The following LRRFIP2 variants were observed in gnomAD, a reference collection of about 807,000 sequenced individuals.
LRRFIP2 encodes the protein LRR binding FLII interacting protein 2.
Under a neutral mutation model 125.9 loss-of-function variants are expected in LRRFIP2, and 109 were observed. The ratio of observed to expected loss-of-function variants is 0.87; its 90% CI spans 0.74 to 1.01. LRRFIP2 has a LOEUF of 1.01. LRRFIP2 is among the 50% of genes least tolerant of loss of function. LRRFIP2 has a pLI of 0.00. For missense variants in LRRFIP2, 850 were observed against 862.3 expected, an observed-to-expected ratio of 0.99 and a Z score of 0.18; for synonymous variants, 291 against 293.1, an observed-to-expected ratio of 0.99 and a Z score of 0.07.
chr3:37,134,442 A>C (rs977784800), intron 2 of LRRFIP2, among the ~76,000 whole-genome samples: 7 of 152,174 alleles, frequency 4.6e-5, no homozygotes, highest in Non-Finnish European at 1.5e-5. Flanking sequence ...TCGGAAGAGC[A>C]CAAAAAACTG....
intron 6 of LRRFIP2, among the ~76,000 whole-genome samples, chr3:37,118,474 T>C (rs1262823108): frequency 2.0e-5 from 3 of 152,242 alleles, no homozygotes; most frequent in Non-Finnish European, 4.4e-5. Context: ...AATAATCCAA[T>C]CATTATACAA....
chr3:37,068,067 T>C (rs2090480639), intron 21 of LRRFIP2: 1 of 152,266 alleles, frequency 6.6e-6, no homozygotes, highest in African/African-American at 2.4e-5. Context: ...CAAGTCTGCC[T>C]GTGAATTAAC....
chr3:37,121,907 C>A (rs932765817), intron 4 of LRRFIP2, among the ~76,000 whole-genome samples: 1 of 147,234 alleles, frequency 6.8e-6, no homozygotes, highest in African/African-American at 2.5e-5. Context: ...TATAGCAGTA[C>A]TAGTTTTCTT....
intron 1 of LRRFIP2, chr3:37,171,007 G>A (rs1338425259): frequency 4.6e-5 from 7 of 152,254 alleles, no homozygotes; most frequent in Non-Finnish European, 8.8e-5. Context: ...CCAGGAAGTC[G>A]AGGCTGCAGT....
At chr3:37,176,274 G>C (rs1010033062), upstream of LRRFIP2, 1 of 152,276 alleles carries the variant, frequency 6.6e-6, no homozygotes, top group Non-Finnish European at 1.5e-5. Context: ...CCGCGGCTGA[G>C]ACAGCGGGAA....
chr3:37,165,648 A>G (rs976953025), intron 1 of LRRFIP2, among the ~76,000 whole-genome samples: 2 of 151,936 alleles, frequency 1.3e-5, no homozygotes, highest in Non-Finnish European at 2.9e-5. Flanking sequence ...TCTACTCGGG[A>G]GGCTGAGGCC....
At chr3:37,099,719 T>C (rs779220341) in intron 15 of LRRFIP2, among the ~76,000 whole-genome samples, 2 of 152,190 alleles carry the variant, frequency 1.3e-5, no homozygotes, top group African/African-American at 4.8e-5. Flanking sequence ...GTTTGCTTTA[T>C]TGTAGCCTGA....
chr3:37,164,044 A>G (rs2096413081), intron 1 of LRRFIP2, among the ~76,000 whole-genome samples: 1 of 152,220 alleles, frequency 6.6e-6, no homozygotes, highest in Admixed American at 6.5e-5. Context: ...TTATAAATTG[A>G]TGTTATAAGC....
At chr3:37,098,931 C>A (rs1208226462) in intron 15 of LRRFIP2, among the ~76,000 whole-genome samples, 3 of 152,112 alleles carry the variant, frequency 2.0e-5, no homozygotes, top group East Asian at 3.9e-4. Context: ...ATTTGAAATC[C>A]TTCCTCATAC....
chr3:37,073,348 A>C (rs971500385), intron 20 of LRRFIP2, among the ~76,000 whole-genome samples: 31 of 152,200 alleles, frequency 2.0e-4, no homozygotes, highest in African/African-American at 7.2e-4. Flanking sequence ...TGTTAGCAAA[A>C]TCTATGACAG....
chr3:37,150,961 C>T (rs1177360067), intron 1 of LRRFIP2, among the ~76,000 whole-genome samples: 1 of 152,188 alleles, frequency 6.6e-6, no homozygotes, highest in Non-Finnish European at 1.5e-5. Flanking sequence ...TTCATCAGAG[C>T]TAGCTTGTTA....
At chr3:37,087,212 G>A (rs893216424) in intron 18 of LRRFIP2, among the ~76,000 whole-genome samples, 7 of 152,132 alleles carry the variant, frequency 4.6e-5, no homozygotes, top group Non-Finnish European at 8.8e-5. Context: ...TTTAAACTAC[G>A]ATTAGAAACA....
chr3:37,101,989 T>C (rs74596765), intron 15 of LRRFIP2, among the ~76,000 whole-genome samples: 2,518 of 152,320 alleles, frequency 0.017, 72 homozygotes, highest in African/African-American at 0.057. Context: ...AATCCAAATA[T>C]TTAAAATATA....
intron 21 of LRRFIP2, 24 bp from the exon 22 acceptor site, chr3:37,066,349 G>A: frequency 3.2e-6 from 5 of 1,567,988 alleles, no homozygotes; most frequent in African/African-American, 1.3e-5. Context: ...AGGTAGCAAG[G>A]GAAACAATGG....
intron 21 of LRRFIP2, among the ~76,000 whole-genome samples, chr3:37,070,431 A>G (rs1468306753): frequency 6.6e-6 from 1 of 151,780 alleles, no homozygotes; most frequent in Admixed American, 6.6e-5. Flanking sequence ...ATTTCTTACA[A>G]CTGCATGTAA....
In LRRFIP2 at chr3:37,163,814, G is replaced by A. The variant is rs141017628; in HGVS notation, c.-56+10725C>T. ...GAGCAGAGAATGGTCCCAAGAGAAT[G>A]ACTAATATGTTAAAATAGGCTTGTG... is the stretch of plus-strand genomic sequence containing the variant. On this transcript the variant is annotated intron_variant, in intron 1 of 27. Coordinates refer to ENST00000336686, the MANE Select transcript of LRRFIP2 (RefSeq NM_006309.4). 3.5e-3 allele frequency among the ~76,000 whole-genome samples: 539 copies of A among 152,272 alleles called. 2 individuals are homozygous for A. Among genetic ancestry groups the A allele is most frequent in the African/African-American group, 0.012 (505 of 41,566 alleles).
intron 18 of LRRFIP2, among the ~76,000 whole-genome samples, chr3:37,085,287 A>T (rs1010473531): frequency 6.6e-6 from 1 of 152,146 alleles, no homozygotes; most frequent in African/African-American, 2.4e-5. Context: ...AGGCAGGTGG[A>T]TCACTTGAGG....
intron 1 of LRRFIP2, among the ~76,000 whole-genome samples, chr3:37,158,379 G>C (rs2096253531): frequency 6.6e-6 from 1 of 152,150 alleles, no homozygotes; most frequent in Non-Finnish European, 1.5e-5. Flanking sequence ...GGTCAAGGCA[G>C]GTGGATCGCT....
chr3:37,074,981 A>T (rs764815215), intron 20 of LRRFIP2, 43 bp downstream of exon 20: 18 of 1,356,440 alleles, frequency 1.3e-5, no homozygotes, highest in Non-Finnish European at 1.9e-5. Flanking sequence ...CATTCAACTC[A>T]TTTTTTTTCA....
Sources: allele counts gnomAD v4.1 joint callset (sites outside exome capture counted in the v4.1 genomes callset), GRCh38; gene constraint gnomAD v4.1.1; transcripts MANE v1.5; gene names NCBI Gene and HGNC (gene_info 2026-07-23, HGNC 2026-07-21).